Variants in ARHGAP19 observed in about 807,000 individuals in gnomAD.
The protein encoded by ARHGAP19 is Rho GTPase activating protein 19, also known as rho GTPase-activating protein 19.
In ARHGAP19, 48 loss-of-function variants were observed where a neutral mutation model predicts 60.9. The observed-to-expected ratio is 0.79, with a 90% CI of 0.62 to 1.00. ARHGAP19 has a LOEUF of 1.00. Among genes scored for constraint, ARHGAP19 ranks in the 50% least tolerant of loss-of-function variants. ARHGAP19 has a pLI of 0.00. For synonymous variants in ARHGAP19, 209 were observed against 215.5 expected (o/e 0.97, Z 0.27); for missense variants, 562 against 597.2 (o/e 0.94, Z 0.61).
intron 4 of ARHGAP19, among the ~76,000 whole-genome samples, chr10:97,261,240 T>C (rs1394862950): frequency 6.6e-6 from 1 of 152,220 alleles, no homozygotes; most frequent in Non-Finnish European, 1.5e-5. Context: ...CAGTGTGTTA[T>C]TTAAGCTGTT....
intron 8 of ARHGAP19, among the ~76,000 whole-genome samples, chr10:97,243,161 T>A (rs1842514420): frequency 6.6e-6 from 1 of 152,184 alleles, no homozygotes; most frequent in Non-Finnish European, 1.5e-5. Context: ...TGTTAATTCT[T>A]AAGAACAGCT....
At chr10:97,242,818 T>C (rs916443890) in intron 8 of ARHGAP19, among the ~76,000 whole-genome samples, 1 of 152,014 alleles carries the variant, frequency 6.6e-6, no homozygotes, top group African/African-American at 2.4e-5. Flanking sequence ...CCGGCCCTAA[T>C]TTTGTATTTT....
At chr10:97,280,820 A>C (rs1419054256) in intron 1 of ARHGAP19, among the ~76,000 whole-genome samples, 1 of 152,116 alleles carries the variant, frequency 6.6e-6, no homozygotes, top group Non-Finnish European at 1.5e-5. Context: ...CCTGGCCTCA[A>C]GCGATCCTCC....
chr10:97,266,609 G>A (rs1273919775), intron 1 of ARHGAP19, among the ~76,000 whole-genome samples: 6 of 152,124 alleles, frequency 3.9e-5, no homozygotes, highest in Admixed American at 2.0e-4. Context: ...TCATACTGCT[G>A]TGAAGAAATA....
chr10:97,264,846 A>G lies in ARHGAP19; in HGVS notation c.383T>C (p.Leu128Pro), dbSNP rs1842877349. 1 of 1,611,806 alleles carries G rather than the reference A, an allele frequency of 6.2e-7. No individual in the cohort carries two copies. Among genetic ancestry groups the G allele is most frequent in the East Asian group, 2.2e-5 (1 of 44,816 alleles). ...CTTACTTTTGTGTAGATACTCAATCAGTTGGTATATCTGGGCAATGCCTTC... is the reference window on the plus strand; with the variant it reads ...CTTACTTTTGTGTAGATACTCAATCGGTTGGTATATCTGGGCAATGCCTTC... ...TEEGIAQIYQ[L>P]IEYLHKNLRV... is the part of the protein sequence containing the mutation. Residue 128 changes from leucine (L) to proline (P), a missense_variant, in exon 3 of 12, where the codon CTG (leucine) becomes CCG (proline). Physicochemically the swap from Leu to Pro is moderately conservative, Grantham distance 98. Coordinates refer to ENST00000358531, the MANE Select transcript of ARHGAP19 (RefSeq NM_032900.6).
chr10:97,242,019 A>AT (rs1440927391), intron 8 of ARHGAP19, among the ~76,000 whole-genome samples: 1 of 148,204 alleles, frequency 6.7e-6, no homozygotes. Flanking sequence ...CAAAAAAAAA[A>AT]AAAAATAATA....
At chr10:97,281,727 A>C (rs1413374991) in intron 1 of ARHGAP19, among the ~76,000 whole-genome samples, 1 of 152,196 alleles carries the variant, frequency 6.6e-6, no homozygotes. Flanking sequence ...AGATGATACA[A>C]GATCATTAAT....
rs984002179 is a variant in ARHGAP19, at chr10:97,223,592, C to G, written c.*2530G>C. Reference sequence around the variant, plus strand: ...GAAAGAAATGAAGTTGTAAAAGCCACAAGAAGAGGCACTTCCAGAGAGATT... The same window carrying G: ...GAAAGAAATGAAGTTGTAAAAGCCAGAAGAAGAGGCACTTCCAGAGAGATT... On this transcript the variant is annotated 3_prime_UTR_variant, in exon 12 of 12. Transcript: ENST00000358531. The G allele has an allele frequency of 1.3e-5, 2 of 152,072 alleles. No homozygotes were observed. The highest frequency in any genetic ancestry group is 2.4e-5 in the African/African-American group (1 of 41,392). 9.4% of individuals were successfully genotyped at this position (152,072 alleles called of 1,614,324 possible).
intron 1 of ARHGAP19, among the ~76,000 whole-genome samples, chr10:97,267,150 G>C (rs1240943187): frequency 6.6e-6 from 1 of 152,104 alleles, no homozygotes; most frequent in East Asian, 1.9e-4. Flanking sequence ...ACAGGCATTG[G>C]GTAAATACAC....
At chr10:97,277,770 A>AC (rs1278912141) in intron 1 of ARHGAP19, 6 of 152,132 alleles carry the variant, frequency 3.9e-5, no homozygotes. Context: ...GCCAACTGCC[A>AC]CTCTGTTGCC....
At chr10:97,281,268 G>A (rs1222161086) in intron 1 of ARHGAP19, among the ~76,000 whole-genome samples, 1 of 151,836 alleles carries the variant, frequency 6.6e-6, no homozygotes, top group African/African-American at 2.4e-5. Flanking sequence ...AGGCATGGTT[G>A]CTTGAGTCTA....
At chr10:97,243,294 C>A (rs1842516479) in intron 8 of ARHGAP19, among the ~76,000 whole-genome samples, 1 of 152,142 alleles carries the variant, frequency 6.6e-6, no homozygotes, top group Non-Finnish European at 1.5e-5. Context: ...AGAGGCTGAC[C>A]CTGCCTGCTC....
intron 6 of ARHGAP19, among the ~76,000 whole-genome samples, chr10:97,253,452 A>G (rs2487269): frequency 0.94 from 142,629 of 151,960 alleles, 67,584 homozygotes; most frequent in East Asian, 1. Flanking sequence ...TTGATCTCAT[A>G]GAGGTAGGGA....
intron 9 of ARHGAP19, among the ~76,000 whole-genome samples, chr10:97,231,060 A>C (rs1372084137): frequency 1.5e-4 from 2 of 13,554 alleles, no homozygotes; most frequent in Non-Finnish European, 5.1e-4. Context: ...TTGTCTCACC[A>C]AAAAAAAAAA....
intron 1 of ARHGAP19, among the ~76,000 whole-genome samples, chr10:97,267,598 C>T (rs921763380): frequency 1.1e-4 from 16 of 152,262 alleles, no homozygotes; most frequent in African/African-American, 3.9e-4. Context: ...TGCAGCACAC[C>T]TCTGCCTTGA....
chr10:97,256,498 A>G (rs1371624420), intron 5 of ARHGAP19, 94 bp from the exon 6 acceptor site: 4 of 918,780 alleles, frequency 4.4e-6, no homozygotes, highest in South Asian at 2.8e-5. Context: ...TGAAGTTTCT[A>G]TCCCTAGCCT....
In ARHGAP19 at chr10:97,259,389, C is replaced by G; in HGVS notation, c.840+13G>C. ...AAAACCAAGCAATCTTTACTCTTCC[C>G]GTCAACACTCACATTTTTTGGCCAC... On this transcript the variant is annotated intron_variant, in intron 5 of 11. Transcript: ENST00000358531. 1.2e-6 allele frequency: 2 copies of G among 1,601,472 alleles called. No individual in the cohort carries two copies. The highest frequency in any genetic ancestry group is 2.2e-5 in the South Asian group (2 of 90,804).
intron 1 of ARHGAP19, among the ~76,000 whole-genome samples, chr10:97,281,550 G>C (rs1380937128): frequency 6.6e-6 from 1 of 152,178 alleles, no homozygotes; most frequent in East Asian, 1.9e-4. Flanking sequence ...TCGATCACTT[G>C]TGTGTCATTT....
chr10:97,270,779 C>T (rs1842950975), intron 1 of ARHGAP19: 1 of 963,196 alleles, frequency 1.0e-6, no homozygotes, highest in East Asian at 2.7e-5. Flanking sequence ...AAAGGCAGTA[C>T]TTAGGACTCT....
Sources: allele counts gnomAD v4.1 joint callset (sites outside exome capture counted in the v4.1 genomes callset), GRCh38; gene constraint gnomAD v4.1.1; transcripts MANE v1.5; gene names NCBI Gene and HGNC (gene_info 2026-07-23, HGNC 2026-07-21).